The following HELZ2 variants were observed in gnomAD, a reference collection of about 807,000 sequenced individuals.
HELZ2 encodes 3'-5' exoribonuclease HELZ2.
HELZ2 carries 143 observed loss-of-function variants against 208.8 expected under a neutral mutation model. The observed-to-expected ratio is 0.68, with a 90% confidence interval of 0.60 to 0.79. The LOEUF (loss-of-function observed/expected upper bound fraction) is 0.79, where lower values mean the gene tolerates loss of function less well. Among genes scored for constraint, HELZ2 ranks in the 30% least tolerant of loss-of-function variants. HELZ2 has a pLI of 0.00. For missense variants in HELZ2, 3,690 were observed against 3,794.5 expected, an observed-to-expected ratio of 0.97 and a Z score of 0.72; for synonymous variants, 1,705 against 1,693.7, an observed-to-expected ratio of 1.01 and a Z score of -0.16.
At chr20:63,563,048 C>T in exon 8 of HELZ2, 1 of 1,599,516 alleles carries the variant, frequency 6.3e-7, no homozygotes, top group Non-Finnish European at 8.5e-7. Context: ...GTACACACGG[C>T]CTGAGAAGCA....
exon 6 of HELZ2, chr20:63,567,321 G>A (rs1349489365): frequency 1.2e-6 from 2 of 1,609,408 alleles, no homozygotes; most frequent in African/African-American, 1.3e-5. Context: ...AGGCCAGCGG[G>A]GTGAGGGCCT....
chr20:63,560,772 G>C, intron 15 of HELZ2, 23 bp downstream of exon 16: 1 of 1,606,796 alleles, frequency 6.2e-7, no homozygotes, highest in Non-Finnish European at 8.5e-7. Flanking sequence ...AGGTGGGCTG[G>C]GGGCTGAGTG....
Position 63,566,460 on chromosome 20 carries a change from A to T in HELZ2, c.2515-7T>A, listed in dbSNP as rs1419236416. On this transcript the variant is annotated splice_polypyrimidine_tract_variant and splice_region_variant and intron_variant, in intron 6 of 18. Transcript: ENST00000467148. ...CCTGCCTCAGTGCACTGACCTGAAG[A>T]CGCAGCAGGGCCGGGGATGAGTGCT... 2 of 1,547,962 alleles carry T rather than the reference A, an allele frequency of 1.3e-6. No homozygotes were observed. The highest frequency in any genetic ancestry group is 1.7e-6 in the Non-Finnish European group (2 of 1,146,584).
chr20:63,562,035 C>A (rs773523631), intron 10 of HELZ2, 37 bp downstream of exon 11: 1 of 1,602,810 alleles, frequency 6.2e-7, no homozygotes, highest in Admixed American at 1.7e-5. Flanking sequence ...TCCCTGTGGC[C>A]CAAGGCAGCC....
chr20:63,562,080 C>T (rs770850730), exon 10 of HELZ2: 1 of 1,588,340 alleles, frequency 6.3e-7, no homozygotes, highest in Non-Finnish European at 8.6e-7. Flanking sequence ...ACCTGGTGGG[C>T]CCTGAATGAC....
chr20:63,566,880 C>T, exon 6 of HELZ2: 1 of 1,606,038 alleles, frequency 6.2e-7, no homozygotes. Flanking sequence ...TGCACCTCTG[C>T]TCGCGGCCGC....
In HELZ2 at chr20:63,565,969, G is replaced by A. The variant is rs115761351; in HGVS notation, c.2853C>T (p.Val951=). 1.4e-4 allele frequency: 222 copies of A among 1,599,156 alleles called. 1 individual carries two copies. The East Asian group carries it at 4.2e-3, about 31-fold the overall frequency. Residue 951 remains valine, a synonymous_variant, in exon 8 of 19, where the codon GTC becomes GTT. Coordinates refer to ENST00000467148, the Ensembl canonical transcript of HELZ2. ...GCCGTCTCTGCGCCACACCCTGCTC[G>A]ACCTGCTCCATGGACAGGCCCTCGG...
chr20:63,569,606 C>T (rs2082999149), exon 4 of HELZ2: 1 of 1,560,374 alleles, frequency 6.4e-7, no homozygotes, highest in African/African-American at 1.4e-5. Context: ...GGCCGGGAGC[C>T]ACCAGAGAGA....
chr20:63,564,521 T>C, exon 8 of HELZ2: 1 of 1,582,892 alleles, frequency 6.3e-7, no homozygotes, highest in African/African-American at 1.3e-5. Flanking sequence ...ACTGGCCTTC[T>C]CCATGGTGAG....
Position 63,564,300 on chromosome 20 carries a change from C to A in HELZ2, c.4522G>T (p.Glu1508Ter). 6.2e-7 allele frequency: 1 copy of A among 1,606,374 alleles called. No individual in the cohort carries two copies. Among genetic ancestry groups the A allele is most frequent in the South Asian group, 1.1e-5 (1 of 90,344 alleles). The stretch of plus-strand genomic sequence containing the variant: ...AGGGTGCCGTCCTCGTCCGGCTGCT[C>A]ATAGAAGCAGTCGGACCGCAGGCGG... The change falls in exon 8 of 19, where the codon GAG becomes TAG. Residue 1508 changes from glutamate to a stop codon, truncating the protein, a stop_gained. Transcript: ENST00000467148. LOFTEE classifies it high-confidence loss of function.
rs769848964 is a variant in HELZ2 at position 63,561,755 on chromosome 20, G to T, written c.6692-10C>A. The T allele has an allele frequency of 1.3e-6, 2 of 1,583,346 alleles. No individual in the cohort carries two copies. Among genetic ancestry groups the T allele is most frequent in the South Asian group, 1.1e-5 (1 of 88,058 alleles). ...CTTCTCAGGAGCAGTCCTGAGGGTA[G>T]TTGGGGGACGTGAGTCCTGCCCCGC... On this transcript the variant is annotated splice_polypyrimidine_tract_variant and intron_variant, in intron 11 of 18. Transcript: ENST00000467148.
exon 13 of HELZ2, chr20:63,561,370 G>A (rs2082884846): frequency 6.2e-7 from 1 of 1,612,938 alleles, no homozygotes; most frequent in African/African-American, 1.3e-5. Context: ...CCTCCCTGGA[G>A]AAGAGCTCCC....
chr20:63,565,444 G>T, exon 8 of HELZ2: 1 of 1,609,842 alleles, frequency 6.2e-7, no homozygotes, highest in East Asian at 2.2e-5. Flanking sequence ...GGTACCGCTC[G>T]GGCTCCGCGT....
downstream of HELZ2, chr20:63,558,132 C>G (rs2082834747): frequency 6.6e-6 from 1 of 152,588 alleles, no homozygotes; most frequent in Non-Finnish European, 1.5e-5. Context: ...AATATCTAAT[C>G]ACATAATTCA....
At chr20:63,570,518 C>T (rs764067712) in exon 3 of HELZ2, 30 of 1,613,006 alleles carry the variant, frequency 1.9e-5, no homozygotes, top group Non-Finnish European at 2.5e-5. Flanking sequence ...GAGTGGACGG[C>T]AAACGTCCAG....
exon 12 of HELZ2, chr20:63,561,714 G>A: frequency 1.2e-6 from 2 of 1,610,572 alleles, no homozygotes; most frequent in Non-Finnish European, 1.7e-6. Context: ...ACACACGGAG[G>A]GGCTTCAGCT....
At position 63,563,415 on chromosome 20, in the gene HELZ2, G is replaced by A. The variant is rs929182353; in HGVS notation, c.5407C>T (p.Gln1803Ter). The A allele has an allele frequency of 6.5e-7, 1 of 1,534,204 alleles. No individual in the cohort carries two copies. ...AGTGGCAGGGGCGGGCTGGATCCCT[G>A]CGCTGAGTAGACACGGCGCCGCCAC... The change falls in exon 8 of 19, where the codon CAG (glutamine) becomes TAG (stop). Residue 1803 changes from glutamine to a stop codon, truncating the protein, a stop_gained. Coordinates refer to ENST00000467148, the Ensembl canonical transcript of HELZ2. LOFTEE classifies it high-confidence loss of function.
chr20:63,565,440 G>T (rs151132433), exon 8 of HELZ2: 2 of 1,609,958 alleles, frequency 1.2e-6, no homozygotes, highest in African/African-American at 1.3e-5. Context: ...TGGCGGTACC[G>T]CTCGGGCTCC....
rs559459608 is a variant in HELZ2 at position 63,559,392 on chromosome 20, G to A, written c.7826-22C>T. 49 of 1,572,160 alleles carry A rather than the reference G, an allele frequency of 3.1e-5. No homozygotes were observed. In the South Asian group the frequency reaches 3.8e-4, roughly 12 times the overall value. The stretch of plus-strand genomic sequence containing the variant: ...TCTCCTGTGAGGGTGGGAGTCAGAT[G>A]GGAGTCAGTCAGGGTCAGGTGGGAG... On this transcript the variant is annotated intron_variant, in intron 18 of 18. Transcript: ENST00000467148.
Sources: gnomAD v4.1 joint callset for allele counts on GRCh38, gnomAD v4.1.1 for gene constraint, MANE v1.5 for transcripts, NCBI Gene and HGNC (gene_info 2026-07-23, HGNC 2026-07-21) for gene names.